The following RABGAP1L variants were observed in gnomAD, a reference collection of about 807,000 sequenced individuals.
The protein encoded by RABGAP1L is rab GTPase-activating protein 1-like.
Under a neutral mutation model 137.7 loss-of-function variants are expected in RABGAP1L, and 63 were observed. The observed-to-expected ratio is 0.46, with a 90% confidence interval of 0.37 to 0.56. The LOEUF is 0.56. Among genes scored for constraint, RABGAP1L ranks in the 20% least tolerant of loss-of-function variants. The probability of loss-of-function intolerance (pLI) is 0.00; values close to 1 mark genes in which losing one functional copy is unlikely to be tolerated. For synonymous variants in RABGAP1L, 431 were observed against 433.7 expected (o/e 0.99, Z 0.08); for missense variants, 1,095 against 1,244.0 (o/e 0.88, Z 1.80).
chr1:174,994,786 CTCAG>C lies in RABGAP1L; in HGVS notation c.*4790_*4793del, dbSNP rs1327148410. ...TTAGTTCAAATGAGGGACAAAGTTT[CTCAG>C]TCAGCCCCACTTCCTTTCTTTCTAA... On this transcript the variant is annotated 3_prime_UTR_variant, in exon 26 of 26. Transcript: ENST00000681986. The C allele has an allele frequency of 6.6e-6, 1 of 152,222 alleles. No homozygotes were observed. The allele number at this position is 152,222 out of a possible 1,614,324, so 9.4% of individuals were successfully genotyped here.
At chr1:174,919,842 A>C (rs1320086515) in intron 19 of RABGAP1L, among the ~76,000 whole-genome samples, 1 of 152,164 alleles carries the variant, frequency 6.6e-6, no homozygotes, top group African/African-American at 2.4e-5. Flanking sequence ...GACAACATAG[A>C]CCTTGTCTCA....
intron 19 of RABGAP1L, among the ~76,000 whole-genome samples, chr1:174,862,529 A>G (rs1650431607): frequency 6.6e-6 from 1 of 152,190 alleles, no homozygotes; most frequent in African/African-American, 2.4e-5. Flanking sequence ...AAATTAAAAT[A>G]TTAATGTGTT....
chr1:174,903,528 G>T (rs1658485487), intron 19 of RABGAP1L, among the ~76,000 whole-genome samples: 1 of 152,166 alleles, frequency 6.6e-6, no homozygotes, highest in South Asian at 2.1e-4. Context: ...ATGTTCATGT[G>T]GGGTATGGGG....
chr1:174,837,878 A>G (rs1475431895), intron 19 of RABGAP1L, among the ~76,000 whole-genome samples: 3 of 152,218 alleles, frequency 2.0e-5, no homozygotes, highest in Non-Finnish European at 4.4e-5. Context: ...TGAAATAAAA[A>G]AATCTTTTGT....
intron 11 of RABGAP1L, among the ~76,000 whole-genome samples, chr1:174,361,454 T>C (rs1684139497): frequency 6.6e-6 from 1 of 152,142 alleles, no homozygotes; most frequent in South Asian, 2.1e-4. Context: ...CTTTTCAGTT[T>C]TTTCATTGGC....
chr1:174,752,797 G>T (rs948437824), intron 18 of RABGAP1L, among the ~76,000 whole-genome samples: 1 of 152,054 alleles, frequency 6.6e-6, no homozygotes, highest in Non-Finnish European at 1.5e-5. Context: ...ATTTCAATTT[G>T]CAGTTCTTTC....
intron 13 of RABGAP1L, among the ~76,000 whole-genome samples, chr1:174,479,531 A>T (rs1658862503): frequency 1.3e-5 from 2 of 152,170 alleles, no homozygotes; most frequent in African/African-American, 4.8e-5. Flanking sequence ...TTGCTATAGA[A>T]ATTCATGGTC....
intron 19 of RABGAP1L, among the ~76,000 whole-genome samples, chr1:174,931,990 G>GTTTTTTTTTTTTTTTTTTTTTT (rs532860564): frequency 2.9e-5 from 2 of 69,646 alleles, no homozygotes; most frequent in Non-Finnish European, 2.7e-5. Context: ...TGCTTTTTTG[G>GTTTTTTTTTTTTTTTTTTTTTT]TTTTTTTTTT....
chr1:174,764,279 A>G (rs1378778950), intron 18 of RABGAP1L, among the ~76,000 whole-genome samples: 1 of 152,212 alleles, frequency 6.6e-6, no homozygotes, highest in African/African-American at 2.4e-5. Flanking sequence ...ATTTGTGTAC[A>G]AGGTTTTGTG....
chr1:174,516,261 T>TC (rs752156939), intron 13 of RABGAP1L, among the ~76,000 whole-genome samples: 2 of 152,054 alleles, frequency 1.3e-5, no homozygotes, highest in Non-Finnish European at 2.9e-5. Flanking sequence ...GCTCAAGTGA[T>TC]CCTCCTCCCT....
chr1:174,208,238 A>G (rs1331309729), intron 1 of RABGAP1L, among the ~76,000 whole-genome samples: 8 of 150,512 alleles, frequency 5.3e-5, no homozygotes, highest in Non-Finnish European at 1.0e-4. Context: ...CTCCAACCTT[A>G]CTGTACTTGC....
intron 19 of RABGAP1L, among the ~76,000 whole-genome samples, chr1:174,835,404 T>C (rs1364376146): frequency 6.6e-6 from 1 of 152,244 alleles, no homozygotes; most frequent in African/African-American, 2.4e-5. Flanking sequence ...TTACCTTTTA[T>C]AGGCAATTCA....
chr1:174,272,214 G>A (rs1674610987), intron 7 of RABGAP1L, among the ~76,000 whole-genome samples, 200 bp from the exon 8 acceptor site: 4 of 151,674 alleles, frequency 2.6e-5, no homozygotes, highest in Admixed American at 2.6e-4. Flanking sequence ...ATAAAGATCT[G>A]GAAATTTAGA....
intron 17 of RABGAP1L, among the ~76,000 whole-genome samples, chr1:174,714,975 G>C (rs1005586914): frequency 6.6e-6 from 1 of 152,106 alleles, no homozygotes; most frequent in Admixed American, 6.5e-5. Flanking sequence ...TATTAGCTTG[G>C]CATAGGAATT....
chr1:174,237,821 T>G (rs1671348808), intron 4 of RABGAP1L, among the ~76,000 whole-genome samples: 1 of 150,352 alleles, frequency 6.7e-6, no homozygotes, highest in African/African-American at 2.5e-5. Context: ...TTGGCCTGCC[T>G]TACTAGATTG....
At chr1:174,760,852 A>G (rs1685161961) in intron 18 of RABGAP1L, among the ~76,000 whole-genome samples, 1 of 152,164 alleles carries the variant, frequency 6.6e-6, no homozygotes, top group Non-Finnish European at 1.5e-5. Flanking sequence ...TTGGCTTTTT[A>G]ATACTATTAA....
At chr1:174,170,340 G>A (rs1203220882) in intron 1 of RABGAP1L, among the ~76,000 whole-genome samples, 1 of 152,078 alleles carries the variant, frequency 6.6e-6, no homozygotes, top group Non-Finnish European at 1.5e-5. Context: ...ATCATCTCCA[G>A]TTTGCAGGTG....
At chr1:174,396,768 A>G (rs1647910635) in intron 13 of RABGAP1L, among the ~76,000 whole-genome samples, 1 of 152,108 alleles carries the variant, frequency 6.6e-6, no homozygotes, top group South Asian at 2.1e-4. Flanking sequence ...GTATGTTCAT[A>G]TAGTGAGAAA....
chr1:174,560,420 A>G (rs1667136522), intron 13 of RABGAP1L, among the ~76,000 whole-genome samples: 1 of 152,208 alleles, frequency 6.6e-6, no homozygotes, highest in Non-Finnish European at 1.5e-5. Context: ...AATAGAAAAG[A>G]ATATTGCGAC....
Sources: gnomAD v4.1 joint callset for allele counts (sites outside exome capture counted in the v4.1 genomes callset) on GRCh38, gnomAD v4.1.1 for gene constraint, MANE v1.5 for transcripts, NCBI Gene and HGNC (gene_info 2026-07-23, HGNC 2026-07-21) for gene names.